The following MYO5B variants were observed in gnomAD, a reference collection of about 807,000 sequenced individuals.
MYO5B encodes the protein myosin VB.
In MYO5B, 143 loss-of-function variants were observed where a neutral mutation model predicts 229.3. The observed-to-expected ratio is 0.62, with a 90% CI of 0.54 to 0.72. The LOEUF (loss-of-function observed/expected upper bound fraction) is 0.72. Among genes scored for constraint, MYO5B ranks in the 30% least tolerant of loss-of-function variants. The probability of loss-of-function intolerance (pLI) is 0.00; values close to 1 mark genes in which losing one functional copy is unlikely to be tolerated. For synonymous variants in MYO5B, 918 were observed against 885.2 expected (o/e 1.04, Z -0.66); for missense variants, 2,321 against 2,331.0 (o/e 1.00, Z 0.09).
intron 14 of MYO5B, among the ~76,000 whole-genome samples, chr18:49,938,691 C>T (rs1041951534): frequency 6.6e-6 from 1 of 152,196 alleles, no homozygotes; most frequent in African/African-American, 2.4e-5. Context: ...TCACCCCTCT[C>T]AGACAATACC....
chr18:49,853,269 G>GC (rs1568610684), intron 31 of MYO5B, among the ~76,000 whole-genome samples, 180 bp downstream of exon 31: 1 of 152,214 alleles, frequency 6.6e-6, no homozygotes, highest in African/African-American at 2.4e-5. Context: ...CAGGAGTGGG[G>GC]CTGTCTGAGA....
At chr18:49,857,001 A>T in intron 29 of MYO5B, 111 bp from the exon 30 acceptor site, 1 of 900,862 alleles carries the variant, frequency 1.1e-6, no homozygotes, top group Non-Finnish European at 1.8e-6. Context: ...AACGAAAAAA[A>T]GGCAAGGCTC....
At chr18:50,139,466 G>C (rs2032384857) in intron 1 of MYO5B, among the ~76,000 whole-genome samples, 1 of 152,120 alleles carries the variant, frequency 6.6e-6, no homozygotes, top group Non-Finnish European at 1.5e-5. Flanking sequence ...CAAGAGTCTT[G>C]GCTTTTGAGT....
chr18:49,872,738 C>A (rs2024470605), intron 26 of MYO5B, among the ~76,000 whole-genome samples: 1 of 152,124 alleles, frequency 6.6e-6, no homozygotes, highest in African/African-American at 2.4e-5. Flanking sequence ...CCACGATGGC[C>A]AAAAACATGG....
chr18:50,120,726 G>A (rs1599035699), intron 1 of MYO5B, among the ~76,000 whole-genome samples: 1 of 152,232 alleles, frequency 6.6e-6, no homozygotes, highest in Middle Eastern at 3.4e-3. Context: ...GTCTAGGGGT[G>A]GAGAACACCT....
rs2144512787 is a variant in MYO5B, at chr18:50,108,282, C to G, written c.28-52904G>C. 4.6e-5 allele frequency among the ~76,000 whole-genome samples: 7 copies of G among 152,316 alleles called. No individual in the cohort carries two copies. In the South Asian group the frequency reaches 1.4e-3, roughly 32 times the overall value. On this transcript the variant is annotated intron_variant, in intron 1 of 39. Transcript: ENST00000285039. ...CACCTATGTAAGAATCTCTGACAAA[C>G]AGCTGAGCTTTGTCTATAGTTGAAC...
At chr18:49,856,691 C>T in intron 30 of MYO5B, 122 bp downstream of exon 30, 2 of 817,694 alleles carry the variant, frequency 2.4e-6, no homozygotes, top group Middle Eastern at 2.9e-4. Flanking sequence ...GGGCTACCAG[C>T]CAGACTGCAT....
At chr18:50,040,368 G>A (rs1299535154) in intron 2 of MYO5B, 54 bp from the exon 3 acceptor site, 14 of 1,481,052 alleles carry the variant, frequency 9.5e-6, no homozygotes, top group Middle Eastern at 1.7e-4. Context: ...CGTTAAGTCT[G>A]TATTCAATGT....
At chr18:49,893,814 A>C (rs1168049466) in intron 22 of MYO5B, among the ~76,000 whole-genome samples, 1 of 152,098 alleles carries the variant, frequency 6.6e-6, no homozygotes, top group Non-Finnish European at 1.5e-5. Context: ...ACCTCCACGG[A>C]TGTCTGTGTG....
At chr18:50,181,738 C>T (rs2033076244) in intron 1 of MYO5B, among the ~76,000 whole-genome samples, 1 of 152,156 alleles carries the variant, frequency 6.6e-6, no homozygotes, top group Non-Finnish European at 1.5e-5. Flanking sequence ...ATGGGCATTG[C>T]CATCATTTTG....
chr18:50,090,966 C>T (rs1436655232), intron 1 of MYO5B, among the ~76,000 whole-genome samples: 1 of 152,238 alleles, frequency 6.6e-6, no homozygotes, highest in East Asian at 1.9e-4. Flanking sequence ...GCCTGCACAG[C>T]CTGTATTCCT....
At chr18:50,109,749 G>A (rs1465927818) in intron 1 of MYO5B, among the ~76,000 whole-genome samples, 1 of 152,160 alleles carries the variant, frequency 6.6e-6, no homozygotes, top group Non-Finnish European at 1.5e-5. Context: ...AAAGGCAGCA[G>A]AACCAAGGTA....
chr18:50,129,731 A>T (rs952437921), intron 1 of MYO5B, among the ~76,000 whole-genome samples: 1 of 152,194 alleles, frequency 6.6e-6, no homozygotes, highest in Non-Finnish European at 1.5e-5. Context: ...AAGAATCTAG[A>T]TCCCAAAACC....
intron 36 of MYO5B, among the ~76,000 whole-genome samples, chr18:49,838,194 A>C (rs537695159): frequency 6.6e-6 from 1 of 152,324 alleles, no homozygotes; most frequent in African/African-American, 2.4e-5. Flanking sequence ...TTACCTATGC[A>C]CCAGGGGCTT....
intron 1 of MYO5B, among the ~76,000 whole-genome samples, chr18:50,171,012 C>T (rs1198979945): frequency 1.6e-5 from 2 of 127,426 alleles, no homozygotes; most frequent in Non-Finnish European, 3.3e-5. Flanking sequence ...GAGGCTCTCT[C>T]TCCTTGCAGC....
intron 17 of MYO5B, among the ~76,000 whole-genome samples, chr18:49,928,263 G>C (rs1240667407): frequency 6.6e-6 from 1 of 152,216 alleles, no homozygotes; most frequent in Non-Finnish European, 1.5e-5. Flanking sequence ...GGTGAAAAGG[G>C]AATGTTTTTA....
At chr18:49,828,858 A>G (rs1291557736) in intron 39 of MYO5B, among the ~76,000 whole-genome samples, 1 of 152,072 alleles carries the variant, frequency 6.6e-6, no homozygotes, top group Non-Finnish European at 1.5e-5. Context: ...ACCAAAGCTT[A>G]TGGGATGGGA....
Position 49,902,634 on chromosome 18 carries a change from T to C in MYO5B, c.2771A>G (p.Glu924Gly). The C allele has an allele frequency of 6.2e-7, 1 of 1,613,350 alleles. No individual in the cohort carries two copies. The highest frequency in any genetic ancestry group is 8.5e-7 in the Non-Finnish European group (1 of 1,180,018). ...CCGCTGCAGCTGGACCACCTTGTTCTCCATGCCCACGTTGAGACGTTTCAG... is the reference window on the plus strand; with the variant it reads ...CCGCTGCAGCTGGACCACCTTGTTCCCCATGCCCACGTTGAGACGTTTCAG... The part of the protein sequence containing the change: ...EHLKRLNVGM[E>G]NKVVQLQRKI... Residue 924 changes from glutamate to glycine, a missense_variant, in exon 21 of 40, where the codon GAG becomes GGG. By Grantham distance (98) the Glu-to-Gly change is moderately conservative. Around this residue, in one of 2 missense-constraint regions of MYO5B, gnomAD observed 2,113 missense variants for 2,044.7 expected, o/e 1.03. Transcript: ENST00000285039.
chr18:50,081,016 T>A (rs1298102493), intron 1 of MYO5B, among the ~76,000 whole-genome samples: 4 of 152,244 alleles, frequency 2.6e-5, no homozygotes, highest in Admixed American at 2.6e-4. Context: ...ATATATATAT[T>A]TTCATGCCGC....
Sources: gnomAD v4.1 joint callset for allele counts (sites outside exome capture counted in the v4.1 genomes callset) on GRCh38, gnomAD v4.1.1 for gene constraint, gnomAD v4.1.1 regional missense constraint, MANE v1.5 for transcripts, NCBI Gene and HGNC (gene_info 2026-07-23, HGNC 2026-07-21) for gene names.